Variants in NFIB observed in about 807,000 individuals in gnomAD.
NFIB encodes nuclear factor I B, also known as nuclear factor 1 B-type.
In NFIB, 11 loss-of-function variants were observed where a neutral mutation model predicts 61.5. The observed-to-expected ratio is 0.18, with a 90% CI of 0.11 to 0.30. The LOEUF is 0.30. NFIB is among the 10% of genes least tolerant of loss of function. NFIB has a pLI of 1.00. For synonymous variants in NFIB, 260 were observed against 216.5 expected (o/e 1.20, Z -1.76); for missense variants, 471 against 608.9 (o/e 0.77, Z 2.38).
intron 1 of NFIB, among the ~76,000 whole-genome samples, chr9:14,368,503 G>A (rs979326067): frequency 6.6e-6 from 1 of 152,194 alleles, no homozygotes; most frequent in Non-Finnish European, 1.5e-5. Context: ...AGGCAGACTG[G>A]TTACGGTGCA....
At chr9:14,146,525 C>T (rs1050717829) in intron 6 of NFIB, among the ~76,000 whole-genome samples, 164 bp downstream of exon 6, 9 of 151,990 alleles carry the variant, frequency 5.9e-5, no homozygotes, top group South Asian at 4.2e-4. Flanking sequence ...TTAACTTTGA[C>T]GACATTTGAC....
chr9:14,476,525 A>C, the NFIB span, among the ~76,000 whole-genome samples: 1 of 152,116 alleles, frequency 6.6e-6, no homozygotes, highest in Admixed American at 6.5e-5. Flanking sequence ...AGGATATAAA[A>C]TCCCCATACA....
At chr9:14,145,957 C>T (rs2042238698) in intron 6 of NFIB, among the ~76,000 whole-genome samples, 1 of 152,138 alleles carries the variant, frequency 6.6e-6, no homozygotes, top group East Asian at 1.9e-4. Context: ...TGCAGACATG[C>T]TTACATACCA....
chr9:14,258,573 T>G (rs1487186534), intron 2 of NFIB, among the ~76,000 whole-genome samples: 1 of 152,238 alleles, frequency 6.6e-6, no homozygotes, highest in Non-Finnish European at 1.5e-5. Flanking sequence ...TATTTTTAAG[T>G]TTGCTCCTAG....
the NFIB span, among the ~76,000 whole-genome samples, chr9:14,478,591 T>A: frequency 1.3e-5 from 2 of 152,220 alleles, no homozygotes; most frequent in Admixed American, 1.3e-4. Flanking sequence ...TACATATTAT[T>A]ACGCAATTTG....
chr9:14,295,622 C>A (rs983229087), intron 2 of NFIB, among the ~76,000 whole-genome samples: 3 of 140,370 alleles, frequency 2.1e-5, no homozygotes, highest in African/African-American at 7.7e-5. Context: ...CCCAGCCAGA[C>A]TCCTTCTCAA....
chr9:14,436,410 G>A, the NFIB span, among the ~76,000 whole-genome samples: 5 of 152,348 alleles, frequency 3.3e-5, no homozygotes, highest in South Asian at 6.2e-4. Flanking sequence ...CCCTGACACA[G>A]AGAAGTGTTC....
intron 2 of NFIB, among the ~76,000 whole-genome samples, chr9:14,205,683 C>G (rs2049608906): frequency 6.6e-6 from 1 of 152,128 alleles, no homozygotes; most frequent in Non-Finnish European, 1.5e-5. Flanking sequence ...ACATTCTTGC[C>G]TCTGCTGAAA....
At chr9:14,125,573 A>AG in intron 7 of NFIB, 59 bp downstream of exon 7, 3 of 1,597,844 alleles carry the variant, frequency 1.9e-6, no homozygotes, top group Non-Finnish European at 2.6e-6. Flanking sequence ...TCCGTCCCTA[A>AG]GGGGGTTAGG....
chr9:14,459,911 C>A, the NFIB span, among the ~76,000 whole-genome samples: 1 of 151,594 alleles, frequency 6.6e-6, no homozygotes, highest in Non-Finnish European at 1.5e-5. Context: ...CACTTTTACA[C>A]TGTTGGGGGG....
At chr9:14,484,730 C>T in the NFIB span, among the ~76,000 whole-genome samples, 6 of 152,230 alleles carry the variant, frequency 3.9e-5, no homozygotes, top group Non-Finnish European at 7.4e-5. Flanking sequence ...ATCTGCAATA[C>T]GCCAGACTCC....
chr9:14,239,208 G>A (rs2054107078), intron 2 of NFIB, among the ~76,000 whole-genome samples: 2 of 152,280 alleles, frequency 1.3e-5, no homozygotes, highest in East Asian at 3.9e-4. Flanking sequence ...TGTTACACAG[G>A]AGAACAGTAA....
At chr9:14,121,947 G>A (rs1270645073) in intron 7 of NFIB, among the ~76,000 whole-genome samples, 1 of 151,912 alleles carries the variant, frequency 6.6e-6, no homozygotes, top group East Asian at 1.9e-4. Flanking sequence ...AAAATGTTGA[G>A]AGAAATAATC....
intron 1 of NFIB, chr9:14,321,992 C>G (rs1316556820): frequency 1.6e-6 from 2 of 1,229,442 alleles, no homozygotes; most frequent in Non-Finnish European, 2.0e-6. Flanking sequence ...GTAACAGAAC[C>G]CTGGGCCGCT....
At chr9:14,326,991 A>G (rs547845296) in intron 1 of NFIB, among the ~76,000 whole-genome samples, 2 of 152,230 alleles carry the variant, frequency 1.3e-5, no homozygotes, top group Admixed American at 6.5e-5. Context: ...AATTGGAATC[A>G]ATTTCAGCTA....
chr9:14,311,052 A>G (rs2060256232), intron 1 of NFIB, among the ~76,000 whole-genome samples: 1 of 152,136 alleles, frequency 6.6e-6, no homozygotes, highest in Non-Finnish European at 1.5e-5. Context: ...GGTTTACATT[A>G]TTTTTAAACA....
chr9:14,186,235 C>T (rs1382753405), intron 2 of NFIB, among the ~76,000 whole-genome samples: 1 of 152,062 alleles, frequency 6.6e-6, no homozygotes, highest in Non-Finnish European at 1.5e-5. Context: ...TAAATGAAAC[C>T]CACAATGTAA....
At chr9:14,131,565 G>C (rs189104292) in intron 6 of NFIB, among the ~76,000 whole-genome samples, 1 of 152,232 alleles carries the variant, frequency 6.6e-6, no homozygotes, top group South Asian at 2.1e-4. Flanking sequence ...CACAAATTGC[G>C]CTCCAGATGT....
chr9:14,283,575 C>A (rs549828862), intron 2 of NFIB, among the ~76,000 whole-genome samples: 209 of 152,362 alleles, frequency 1.4e-3, no homozygotes, highest in African/African-American at 4.7e-3. Context: ...AGGGCAAGAG[C>A]AGTCCTGATC....
Sources: allele counts gnomAD v4.1 joint callset (sites outside exome capture counted in the v4.1 genomes callset), GRCh38; gene constraint gnomAD v4.1.1; transcripts MANE v1.5; gene names NCBI Gene and HGNC (gene_info 2026-07-23, HGNC 2026-07-21).